The following ABCC6 variants were observed in gnomAD, a reference collection of about 807,000 sequenced individuals.
The protein encoded by ABCC6 is ATP-binding cassette sub-family C member 6.
In ABCC6, 126 loss-of-function variants were observed where a neutral mutation model predicts 169.5. The observed-to-expected ratio is 0.74, with a 90% CI of 0.64 to 0.86. ABCC6 has a LOEUF of 0.86. Ranked by LOEUF, ABCC6 falls within the 40% of genes least tolerant of loss-of-function variation. ABCC6 has a pLI of 0.00. For missense variants in ABCC6, 1,733 were observed against 1,927.2 expected (o/e 0.90, Z 1.89); for synonymous variants, 752 against 814.7 (o/e 0.92, Z 1.31).
At position 16,202,048 on chromosome 16, in the gene ABCC6, G is replaced by C. The variant is rs751076949; in HGVS notation, c.1129C>G (p.Leu377Val). The C allele has an allele frequency of 3.7e-6, 6 of 1,613,914 alleles. No homozygotes were observed. The African/African-American group carries it at 8.0e-5, about 22-fold the overall frequency. ...ATGGCCGACCGCAACCTCATCTGCA[G>C]CACCTTGAGCCTGTACATGTTCTGC... Reference protein sequence around the residue: ...EQQNMYRLKVLQMRLRSAITG... With the variant: ...EQQNMYRLKVVQMRLRSAITG... Residue 377 changes from leucine (L) to valine (V), a missense_variant, in exon 9 of 31, where the codon CTG becomes GTG. Physicochemically the swap from Leu to Val is conservative, Grantham distance 32. Transcript: ENST00000205557.
At chr16:16,182,000 C>T in intron 17 of ABCC6, 1 of 274,064 alleles carries the variant, frequency 3.6e-6, no homozygotes, top group East Asian at 9.3e-5. Flanking sequence ...AGTTTGCCAA[C>T]CCCTGCCCAA....
At chr16:16,206,284 G>A (rs561722465) in intron 7 of ABCC6, among the ~76,000 whole-genome samples, 166 of 152,200 alleles carry the variant, frequency 1.1e-3, no homozygotes, top group African/African-American at 3.5e-3. Context: ...CAAGGCAGGG[G>A]GTATGCATGA....
chr16:16,189,696 G>A (rs987904356), intron 12 of ABCC6, among the ~76,000 whole-genome samples: 5 of 152,184 alleles, frequency 3.3e-5, no homozygotes, highest in African/African-American at 1.2e-4. Context: ...GGGACGACAG[G>A]CATGAGCCAC....
chr16:16,155,928 A>T (rs2046537299), intron 27 of ABCC6, among the ~76,000 whole-genome samples: 1 of 151,692 alleles, frequency 6.6e-6, no homozygotes, highest in Non-Finnish European at 1.5e-5. Flanking sequence ...TTATTTATTT[A>T]TTTTTGAGAT....
chr16:16,195,896 T>A (rs1407522758), intron 10 of ABCC6, among the ~76,000 whole-genome samples: 2 of 152,192 alleles, frequency 1.3e-5, no homozygotes, highest in Non-Finnish European at 1.5e-5. Flanking sequence ...ATTCAGCAAT[T>A]ACAATCAAAA....
intron 7 of ABCC6, 112 bp from the exon 8 acceptor site, chr16:16,203,725 G>A (rs1015659818): frequency 2.7e-5 from 31 of 1,148,954 alleles, no homozygotes; most frequent in Non-Finnish European, 3.5e-5. Flanking sequence ...GGTGGGTGTG[G>A]ATCTAGCCTG....
intron 10 of ABCC6, 103 bp from the exon 11 acceptor site, chr16:16,193,025 G>A (rs759044873): frequency 2.1e-6 from 2 of 966,288 alleles, no homozygotes; most frequent in Non-Finnish European, 3.2e-6. Flanking sequence ...TGGGTAAAAT[G>A]AGGCTGAGAC....
At chr16:16,215,325 C>T (rs554742072) in intron 4 of ABCC6, among the ~76,000 whole-genome samples, 4 of 152,270 alleles carry the variant, frequency 2.6e-5, no homozygotes, top group African/African-American at 9.6e-5. Context: ...AATTGTGATG[C>T]TCCTGCTGCC....
intron 10 of ABCC6, 68 bp downstream of exon 10, chr16:16,197,953 G>C (rs1447349281): frequency 6.8e-7 from 1 of 1,460,316 alleles, no homozygotes; most frequent in East Asian, 2.6e-5. Context: ...GTGGGAGGGG[G>C]AAGGAGGAGG....
chr16:16,193,185 C>A (rs1005591473), intron 10 of ABCC6, among the ~76,000 whole-genome samples: 8 of 152,088 alleles, frequency 5.3e-5, no homozygotes, highest in African/African-American at 1.9e-4. Context: ...AAGATGGCTA[C>A]GAGAGTGACC....
intron 15 of ABCC6, among the ~76,000 whole-genome samples, chr16:16,184,704 C>CT (rs2047590722): frequency 1.3e-5 from 2 of 152,120 alleles, no homozygotes; most frequent in South Asian, 4.1e-4. Flanking sequence ...ACAGGGGTGT[C>CT]TCCCCCTAAT....
In ABCC6 at chr16:16,188,981, G is replaced by T. The variant is rs763037164; in HGVS notation, c.1636-7C>A. 4.0e-5 allele frequency: 65 copies of T among 1,613,640 alleles called. No individual in the cohort carries two copies. In the Middle Eastern group the frequency reaches 4.9e-4, roughly 12 times the overall value. ...CAAACACCACCAGTGCGACCTGGGG[G>T]GTGGGGGGGACACGTGGGGCAACAG... On this transcript the variant is annotated splice_region_variant and splice_polypyrimidine_tract_variant and intron_variant, in intron 12 of 30. Coordinates refer to ENST00000205557, the MANE Select transcript of ABCC6 (RefSeq NM_001171.6).
intron 2 of ABCC6, 95 bp downstream of exon 2, chr16:16,221,554 A>T (rs1378672393): frequency 1.9e-6 from 3 of 1,550,270 alleles, no homozygotes; most frequent in Non-Finnish European, 2.6e-6. Context: ...ACACCCCGAT[A>T]GGAGGAGTCT....
intron 7 of ABCC6, among the ~76,000 whole-genome samples, chr16:16,205,909 T>C (rs1375930047): frequency 6.6e-6 from 1 of 152,036 alleles, no homozygotes; most frequent in East Asian, 1.9e-4. Flanking sequence ...GCACATACTG[T>C]TATAAAAATT....
chr16:16,153,582 G>T (rs940411262), intron 29 of ABCC6, among the ~76,000 whole-genome samples: 4 of 152,056 alleles, frequency 2.6e-5, no homozygotes, highest in African/African-American at 9.7e-5. Context: ...TAGTTCTGTT[G>T]TGTAACAGTG....
chr16:16,178,470 A>G (rs1005937580), intron 18 of ABCC6, among the ~76,000 whole-genome samples: 1 of 152,046 alleles, frequency 6.6e-6, no homozygotes, highest in Non-Finnish European at 1.5e-5. Flanking sequence ...TGTAAACAGC[A>G]TATCCAAATA....
At chr16:16,155,072 G>T in intron 27 of ABCC6, 41 bp from the exon 28 acceptor site, 1 of 1,535,732 alleles carries the variant, frequency 6.5e-7, no homozygotes, top group African/African-American at 1.4e-5. Flanking sequence ...TGACCAGAGG[G>T]TTTGTGGGCA....
In ABCC6 at chr16:16,169,717, G is replaced by T; in HGVS notation, c.2924C>A (p.Pro975His). The T allele has an allele frequency of 1.2e-6, 2 of 1,610,810 alleles. No individual in the cohort carries two copies. The highest frequency in any genetic ancestry group is 8.5e-7 in the Non-Finnish European group (1 of 1,179,268). ...GYWLSLWADD[P>H]AVGGQQTQAA... ...CTGCGTCTGCTGCCCACCTACTGCA[G>T]GGTCGTCCGCCCACAGGCTCAGCCA... The change falls in exon 22 of 31, where the codon CCT becomes CAT. Residue 975 changes from proline (P) to histidine (H), a missense_variant. Transcript: ENST00000205557.
At chr16:16,189,974 C>A (rs2047790579) in intron 12 of ABCC6, among the ~76,000 whole-genome samples, 190 bp downstream of exon 12, 1 of 152,142 alleles carries the variant, frequency 6.6e-6, no homozygotes, top group African/African-American at 2.4e-5. Context: ...CCACTGCCAC[C>A]TTTGCTAGAA....
Sources: allele counts gnomAD v4.1 joint callset (sites outside exome capture counted in the v4.1 genomes callset), GRCh38; gene constraint gnomAD v4.1.1; transcripts MANE v1.5; gene names NCBI Gene and HGNC (gene_info 2026-07-23, HGNC 2026-07-21).